ABTB2: variants seen among roughly 807,000 people sequenced by gnomAD.
ABTB2 encodes ankyrin repeat and BTB/POZ domain-containing protein 2.
In ABTB2, 56 loss-of-function variants were observed where a neutral mutation model predicts 104.1. That is an observed-to-expected ratio of 0.54 (90% confidence interval 0.43 to 0.67). The LOEUF (loss-of-function observed/expected upper bound fraction) is 0.67, where lower values mean the gene tolerates loss of function less well. Ranked by LOEUF, ABTB2 falls within the 30% of genes least tolerant of loss-of-function variation. The pLI, the probability that ABTB2 is intolerant of heterozygous loss-of-function variation, is 0.00. For synonymous variants in ABTB2, 606 were observed against 608.2 expected, an observed-to-expected ratio of 1.00 and a Z score of 0.05; for missense variants, 1,279 against 1,407.7, an observed-to-expected ratio of 0.91 and a Z score of 1.46.
intron 1 of ABTB2, among the ~76,000 whole-genome samples, chr11:34,258,893 G>A (rs1854155777): frequency 6.6e-6 from 1 of 151,504 alleles, no homozygotes; most frequent in South Asian, 2.1e-4. Context: ...GAGCCACTGT[G>A]CCCAGCCAGA....
At chr11:34,304,373 A>C (rs1854746745) in intron 1 of ABTB2, among the ~76,000 whole-genome samples, 1 of 152,118 alleles carries the variant, frequency 6.6e-6, no homozygotes, top group Non-Finnish European at 1.5e-5. Flanking sequence ...TGCCTCCCTA[A>C]GGGCTGGGAT....
At chr11:34,280,878 T>C (rs1253803644) in intron 1 of ABTB2, among the ~76,000 whole-genome samples, 1 of 152,154 alleles carries the variant, frequency 6.6e-6, no homozygotes, top group Non-Finnish European at 1.5e-5. Context: ...CTTGGGTGCT[T>C]TCCTCACACC....
rs1371617019 is a variant in ABTB2 at position 34,181,488 on chromosome 11, G to A, written c.1245-8181C>T. On this transcript the variant is annotated intron_variant, in intron 3 of 16. Transcript: ENST00000435224. ...GACCCGGGCCCCAAGCACAAGCCTCGGGTCTCTGTTCCCATCCTGGCAGGC... is the reference window on the plus strand; with the variant it reads ...GACCCGGGCCCCAAGCACAAGCCTCAGGTCTCTGTTCCCATCCTGGCAGGC... Among the ~76,000 whole-genome samples, 6 of 152,144 alleles carry A rather than the reference G, an allele frequency of 3.9e-5. No individual in the cohort carries two copies. In the East Asian group the frequency reaches 5.8e-4, roughly 15 times the overall value.
intron 14 of ABTB2, among the ~76,000 whole-genome samples, chr11:34,155,543 G>A (rs1852612730): frequency 6.6e-6 from 1 of 152,266 alleles, no homozygotes; most frequent in African/African-American, 2.4e-5. Context: ...GCTGGCTGAA[G>A]AAACGGCTCC....
At chr11:34,173,371 G>T in intron 3 of ABTB2, 64 bp from the exon 4 acceptor site, 1 of 1,498,710 alleles carries the variant, frequency 6.7e-7, no homozygotes, top group African/African-American at 1.4e-5. Context: ...CAGAGAGAGG[G>T]TCAGGCCTGG....
At chr11:34,354,247 A>G (rs1189377237) in intron 1 of ABTB2, among the ~76,000 whole-genome samples, 1 of 152,148 alleles carries the variant, frequency 6.6e-6, no homozygotes, top group Admixed American at 6.5e-5. Context: ...GTTGTCTGCC[A>G]CAGAGAATCC....
rs950221305 is a variant in ABTB2 at position 34,198,216 on chromosome 11, G to A, written c.1031-678C>T. Among the ~76,000 whole-genome samples the A allele has an allele frequency of 6.6e-5, 10 of 152,290 alleles. No individual in the cohort carries two copies. The East Asian group carries it at 1.3e-3, about 21-fold the overall frequency. On this transcript the variant is annotated intron_variant, in intron 2 of 16. Transcript: ENST00000435224. Reference sequence around the variant, plus strand: ...GAGGCAGGTGGATCACTTTAGGCCAGGAGTTTGAGACCAGCCTGGCCAACA... The same window carrying A: ...GAGGCAGGTGGATCACTTTAGGCCAAGAGTTTGAGACCAGCCTGGCCAACA...
intron 3 of ABTB2, among the ~76,000 whole-genome samples, chr11:34,193,208 C>T (rs890176506): frequency 1.3e-5 from 2 of 152,240 alleles, no homozygotes; most frequent in African/African-American, 2.4e-5. Flanking sequence ...TAAGCTTGAT[C>T]TCCGGTGATG....
rs146303905 is a variant in ABTB2, at chr11:34,152,549, C to T, written c.2916G>A (p.Glu972=). The T allele has an allele frequency of 1.2e-6, 2 of 1,612,856 alleles. No individual in the cohort carries two copies. The highest frequency in any genetic ancestry group is 1.3e-5 in the African/African-American group (1 of 74,896). ...HNAPELALFC[E]GFFLKHMKAL... Reference sequence around the variant, plus strand: ...CCTTCATGTGCTTGAGGAAGAAGCCCTCACAGAACAGGGCCAGTTCTGGGG... The same window carrying T: ...CCTTCATGTGCTTGAGGAAGAAGCCTTCACAGAACAGGGCCAGTTCTGGGG... Residue 972 remains glutamate (E), a synonymous_variant, in exon 17 of 17, where the codon GAG becomes GAA. Coordinates refer to ENST00000435224, the MANE Select transcript of ABTB2 (RefSeq NM_145804.3).
intron 1 of ABTB2, among the ~76,000 whole-genome samples, chr11:34,319,702 T>C (rs1854978243): frequency 6.6e-6 from 1 of 152,150 alleles, no homozygotes; most frequent in South Asian, 2.1e-4. Flanking sequence ...GAAGTCTCAC[T>C]TTGGCACCCA....
chr11:34,197,151 A>G (rs891573051), intron 3 of ABTB2, among the ~76,000 whole-genome samples, 174 bp downstream of exon 3: 1 of 152,098 alleles, frequency 6.6e-6, no homozygotes, highest in Non-Finnish European at 1.5e-5. Flanking sequence ...CCCACTGCAC[A>G]CCAGTGCAGG....
intron 1 of ABTB2, among the ~76,000 whole-genome samples, chr11:34,239,112 A>C (rs1389356159): frequency 1.3e-5 from 2 of 152,136 alleles, no homozygotes; most frequent in Non-Finnish European, 2.9e-5. Context: ...GCTCCATGAA[A>C]GCCAGGACTG....
intron 1 of ABTB2, among the ~76,000 whole-genome samples, chr11:34,227,757 G>A (rs573527638): frequency 2.0e-5 from 3 of 151,650 alleles, no homozygotes; most frequent in Non-Finnish European, 2.9e-5. Context: ...TTTCTGAGAC[G>A]GAGTTTTGCT....
chr11:34,156,105 C>T (rs773426386), intron 14 of ABTB2, among the ~76,000 whole-genome samples: 12 of 152,224 alleles, frequency 7.9e-5, no homozygotes, highest in Non-Finnish European at 1.8e-4. Context: ...GGCTGCAGCT[C>T]CCTTCCTGGC....
chr11:34,251,002 GT>G (rs1035743867), intron 1 of ABTB2, among the ~76,000 whole-genome samples: 1 of 152,194 alleles, frequency 6.6e-6, no homozygotes, highest in African/African-American at 2.4e-5. Context: ...TCAAACATGT[GT>G]TTTTACCCCT....
intron 10 of ABTB2, 138 bp downstream of exon 10, chr11:34,162,438 G>C (rs529381611): frequency 2.1e-6 from 2 of 941,852 alleles, no homozygotes; most frequent in South Asian, 3.3e-5. Context: ...CCTCCACCCA[G>C]TCTGTGCTCA....
intron 1 of ABTB2, among the ~76,000 whole-genome samples, chr11:34,348,806 G>A (rs1465366111): frequency 2.6e-5 from 4 of 152,148 alleles, no homozygotes; most frequent in South Asian, 2.1e-4. Flanking sequence ...GGAGTCTATC[G>A]CCATTGCTCC....
chr11:34,324,341 C>T (rs567963003), intron 1 of ABTB2, among the ~76,000 whole-genome samples: 1 of 152,342 alleles, frequency 6.6e-6, no homozygotes, highest in South Asian at 2.1e-4. Context: ...AAGTTTCCAG[C>T]CCCTATTCCT....
intron 1 of ABTB2, among the ~76,000 whole-genome samples, chr11:34,350,563 G>C (rs1253260801): frequency 2.0e-5 from 3 of 152,206 alleles, no homozygotes; most frequent in African/African-American, 7.2e-5. Context: ...AGGGTGGGGA[G>C]AGCCAGCAAG....
Sources: gnomAD v4.1 joint callset for allele counts (sites outside exome capture counted in the v4.1 genomes callset) on GRCh38, gnomAD v4.1.1 for gene constraint, MANE v1.5 for transcripts, NCBI Gene and HGNC (gene_info 2026-07-23, HGNC 2026-07-21) for gene names.